The following FAM83D variants were observed in gnomAD, a reference collection of about 807,000 sequenced individuals.
FAM83D encodes protein FAM83D.
In FAM83D, 26 loss-of-function variants were observed where a neutral mutation model predicts 25.4. The observed-to-expected ratio is 1.02, with a 90% CI of 0.75 to 1.42. The LOEUF is 1.42. Among genes scored for constraint, FAM83D ranks in the 40% most tolerant of loss-of-function variants. FAM83D has a pLI of 0.00. For missense variants in FAM83D, 740 were observed against 758.1 expected, an observed-to-expected ratio of 0.98 and a Z score of 0.28; for synonymous variants, 310 against 318.5, an observed-to-expected ratio of 0.97 and a Z score of 0.28.
rs184146421 is a variant in FAM83D, at chr20:38,927,864, G to A, written c.483+939G>A. Among the ~76,000 whole-genome samples, 12 of 152,304 alleles carry A rather than the reference G, an allele frequency of 7.9e-5. No homozygotes were observed. The East Asian group carries it at 2.3e-3, about 29-fold the overall frequency. ...TGGGGCAAGGGGTTTGTTTTCCATA[G>A]GCTGGGTCTGTGCCAGATTGCAGTG... On this transcript the variant is annotated intron_variant, in intron 1 of 3. Coordinates refer to ENST00000619850, the MANE Select transcript of FAM83D (RefSeq NM_030919.3).
At chr20:38,933,995 C>T (rs2145801221) in intron 1 of FAM83D, among the ~76,000 whole-genome samples, 1 of 152,190 alleles carries the variant, frequency 6.6e-6, no homozygotes, top group East Asian at 1.9e-4. Flanking sequence ...GCTGGGACTA[C>T]AGGTGCCCGC....
intron 3 of FAM83D, among the ~76,000 whole-genome samples, chr20:38,949,484 G>A (rs1190820254): frequency 6.6e-6 from 1 of 152,134 alleles, no homozygotes; most frequent in East Asian, 1.9e-4. Flanking sequence ...GCTTTCAAAA[G>A]AATCTTCCTT....
intron 1 of FAM83D, among the ~76,000 whole-genome samples, chr20:38,930,340 G>A (rs1222513785): frequency 6.6e-6 from 1 of 152,182 alleles, no homozygotes; most frequent in Non-Finnish European, 1.5e-5. Flanking sequence ...ACACTGGGAG[G>A]AGGCTACAAT....
rs1354254407 is a variant in FAM83D at position 38,952,234 on chromosome 20, C to G, written c.1472C>G (p.Thr491Ser). 2.5e-6 allele frequency: 4 copies of G among 1,614,208 alleles called. No individual in the cohort carries two copies. Among genetic ancestry groups the G allele is most frequent in the Non-Finnish European group, 3.4e-6 (4 of 1,180,054 alleles). The part of the protein sequence containing the change: ...VSSQGSVASS[T>S]GSPASIRTTD... ...TCCCAAGGCTCTGTGGCAAGCTCCA[C>G]TGGTTCTCCCGCTTCCATCAGAACC... The change falls in exon 4 of 4, where the codon ACT becomes AGT. Residue 491 changes from threonine to serine, a missense_variant. Physicochemically the swap from Thr to Ser is moderately conservative, Grantham distance 58 (BLOSUM62 1). Coordinates refer to ENST00000619850, the MANE Select transcript of FAM83D (RefSeq NM_030919.3).
chr20:38,950,183 C>T (rs1393602843), intron 3 of FAM83D, among the ~76,000 whole-genome samples: 1 of 152,156 alleles, frequency 6.6e-6, no homozygotes, highest in Non-Finnish European at 1.5e-5. Flanking sequence ...CTCTTTCACT[C>T]AGAATTACTA....
intron 1 of FAM83D, among the ~76,000 whole-genome samples, chr20:38,928,174 TGCCAGGGACA>T (rs1568694329): frequency 5.9e-5 from 9 of 152,230 alleles, no homozygotes; most frequent in Non-Finnish European, 1.2e-4. Context: ...TATCTGCCTG[TGCCAGGGACA>T]TGGCAGATAA....
chr20:38,927,040 G>A (rs2085639021), intron 1 of FAM83D, 115 bp downstream of exon 1: 1 of 1,377,450 alleles, frequency 7.3e-7, no homozygotes, highest in Non-Finnish European at 9.3e-7. Context: ...CCTACCGGAA[G>A]CGCGCGCGGG....
At chr20:38,932,298 A>G (rs903436313) in intron 1 of FAM83D, among the ~76,000 whole-genome samples, 2 of 152,196 alleles carry the variant, frequency 1.3e-5, no homozygotes, top group Non-Finnish European at 2.9e-5. Flanking sequence ...AGGCAGGAGG[A>G]TTACTTGAGC....
intron 1 of FAM83D, among the ~76,000 whole-genome samples, chr20:38,939,823 T>C (rs529163890): frequency 1.8e-4 from 27 of 152,290 alleles, no homozygotes; most frequent in Admixed American, 1.6e-3. Flanking sequence ...ATAGCACCTG[T>C]TTCCTGCCTT....
chr20:38,932,787 G>A (rs2085663681), intron 1 of FAM83D, among the ~76,000 whole-genome samples: 1 of 152,210 alleles, frequency 6.6e-6, no homozygotes, highest in African/African-American at 2.4e-5. Context: ...GTACCACCAC[G>A]AGGTTCCAAT....
intron 2 of FAM83D, among the ~76,000 whole-genome samples, chr20:38,944,620 C>T (rs1194761707): frequency 6.6e-6 from 1 of 152,124 alleles, no homozygotes; most frequent in Non-Finnish European, 1.5e-5. Flanking sequence ...CATAGGTGTC[C>T]AGATCCTCTG....
intron 2 of FAM83D, among the ~76,000 whole-genome samples, chr20:38,944,871 A>G (rs1015269476): frequency 4.0e-5 from 6 of 151,560 alleles, no homozygotes; most frequent in Admixed American, 2.6e-4. Flanking sequence ...CCCGGGAGGC[A>G]GAGGTTGCAG....
Position 38,949,986 on chromosome 20 carries a change from C to CT in FAM83D, c.777-1545dup, listed in dbSNP as rs1258299105. On this transcript the variant is annotated intron_variant, in intron 3 of 3. Coordinates refer to ENST00000619850, the MANE Select transcript of FAM83D (RefSeq NM_030919.3). ...GGCGCCCGCCACCACGCCCAGCTAA[C>CT]TTTTTTTTGTATTTTTAGTAGAGAT... is the stretch of plus-strand genomic sequence containing the variant. Among the ~76,000 whole-genome samples the CT allele has an allele frequency of 9.2e-5, 14 of 152,018 alleles. No homozygotes were observed. The South Asian group carries it at 1.0e-3, about 11-fold the overall frequency.
chr20:38,952,365 T>A lies in FAM83D; in HGVS notation c.1603T>A (p.Phe535Ile). The A allele has an allele frequency of 6.2e-7, 1 of 1,614,202 alleles. No homozygotes were observed. Among genetic ancestry groups the A allele is most frequent in the Non-Finnish European group, 8.5e-7 (1 of 1,180,040 alleles). The change falls in exon 4 of 4, where the codon TTC becomes ATC. Residue 535 changes from phenylalanine to isoleucine, a missense_variant. Coordinates refer to ENST00000619850, the MANE Select transcript of FAM83D (RefSeq NM_030919.3). ...RNLNKERQFH[F>I]AGIRSRLNHM... ...CTTGAACAAAGAGCGGCAATTCCAC[T>A]TCGCTGGTATCAGGTCCCGGCTCAA...
intron 1 of FAM83D, among the ~76,000 whole-genome samples, chr20:38,937,422 C>T (rs1316250965): frequency 1.3e-5 from 2 of 152,206 alleles, no homozygotes; most frequent in Non-Finnish European, 2.9e-5. Flanking sequence ...GCAGCAAGAG[C>T]ACCGGATACC....
intron 1 of FAM83D, among the ~76,000 whole-genome samples, chr20:38,940,850 C>T (rs1172819540): frequency 2.0e-5 from 3 of 152,210 alleles, no homozygotes; most frequent in Non-Finnish European, 4.4e-5. Context: ...ACTGTCTGGA[C>T]GGCTCCAGCT....
At position 38,926,418 on chromosome 20, in the gene FAM83D, A is replaced by G; in HGVS notation, c.-25A>G. 1 of 1,596,548 alleles carries G rather than the reference A, an allele frequency of 6.3e-7. No homozygotes were observed. The highest frequency in any genetic ancestry group is 1.3e-5 in the African/African-American group (1 of 74,562). ...GGGACTGCACGCCGGTTTTTGTCCG[A>G]GGGCTGTCGAGTCCGAGCGCCGCCA... On this transcript the variant is annotated 5_prime_UTR_variant, in exon 1 of 4. Transcript: ENST00000619850.
At chr20:38,941,675 A>G (rs1427777621) in intron 1 of FAM83D, among the ~76,000 whole-genome samples, 2 of 152,144 alleles carry the variant, frequency 1.3e-5, no homozygotes, top group African/African-American at 4.8e-5. Context: ...TTCATAAGAG[A>G]GCAAGGCAGT....
chr20:38,938,752 C>T (rs1032491120), intron 1 of FAM83D, among the ~76,000 whole-genome samples: 1 of 152,198 alleles, frequency 6.6e-6, no homozygotes, highest in South Asian at 2.1e-4. Flanking sequence ...CTCCTTCCCT[C>T]TTCTGCAACC....
Sources: allele counts gnomAD v4.1 joint callset (sites outside exome capture counted in the v4.1 genomes callset), GRCh38; gene constraint gnomAD v4.1.1; transcripts MANE v1.5; gene names NCBI Gene and HGNC (gene_info 2026-07-23, HGNC 2026-07-21).